The following CDH5 variants were observed in gnomAD, a reference collection of about 807,000 sequenced individuals.
CDH5 encodes cadherin 5, also known as cadherin-5.
CDH5 carries 28 observed loss-of-function variants against 62.0 expected under a neutral mutation model. That is an observed-to-expected ratio of 0.45 (90% CI 0.33 to 0.62). The LOEUF (loss-of-function observed/expected upper bound fraction) is 0.62, where lower values mean the gene tolerates loss of function less well. Ranked by LOEUF, CDH5 falls within the 20% of genes least tolerant of loss-of-function variation. CDH5 has a pLI of 0.02. For missense variants in CDH5, 940 were observed against 1,065.1 expected (o/e 0.88, Z 1.63); for synonymous variants, 464 against 445.8 (o/e 1.04, Z -0.52).
rs1961111096 is a variant in CDH5, at chr16:66,392,735, CTG to C, written c.1217+354_1217+355del. ...CACACCAGAGGCCCCTTCACTAAAA[CTG>C]TATTCTTGAATCTATCTTCCCCAAA... On this transcript the variant is annotated intron_variant, in intron 7 of 11. Coordinates refer to ENST00000341529, the MANE Select transcript of CDH5 (RefSeq NM_001795.5). The C allele has an allele frequency of 1.2e-5, 3 of 244,512 alleles. No homozygotes were observed. In the South Asian group the frequency reaches 2.4e-4, roughly 20 times the overall value. 15.1% of individuals were successfully genotyped at this position (244,512 alleles called of 1,614,324 possible). A position where few individuals can be genotyped will look rare whatever the true frequency, so the allele number is the denominator to read the frequency against.
At position 66,388,421 on chromosome 16, in the gene CDH5, T is replaced by C. The variant is rs1230134059; in HGVS notation, c.597T>C (p.Tyr199=). Residue 199 remains tyrosine, a synonymous_variant, in exon 4 of 12, where the codon TAT becomes TAC. Coordinates refer to ENST00000341529, the MANE Select transcript of CDH5 (RefSeq NM_001795.5). ...ACCAAATCCTGAAGGGGAAAGAGTA[T>C]TTTGCCATCGATAATTCTGGTCTGT... The part of the protein sequence containing the change: ...VMYQILKGKE[Y]FAIDNSGRII... 1 of 1,610,904 alleles carries C rather than the reference T, an allele frequency of 6.2e-7. No homozygotes were observed. The highest frequency in any genetic ancestry group is 2.2e-5 in the East Asian group (1 of 44,848).
At chr16:66,379,247 T>C (rs2344564) in intron 1 of CDH5, 72 bp from the exon 2 acceptor site, 303,080 of 1,122,096 alleles carry the variant, frequency 0.27, 46,145 homozygotes, top group African/African-American at 0.63. Flanking sequence ...TGCTCTTATG[T>C]GAAATACCTG....
chr16:66,402,644 G>A lies in CDH5; in HGVS notation c.1838-8G>A. 4 of 1,572,476 alleles carry A rather than the reference G, an allele frequency of 2.5e-6. No homozygotes were observed. Among genetic ancestry groups the A allele is most frequent in the Non-Finnish European group, 3.4e-6 (4 of 1,161,386 alleles). On this transcript the variant is annotated splice_region_variant and splice_polypyrimidine_tract_variant and intron_variant, in intron 11 of 11. Transcript: ENST00000341529. ...GTCTGACTCTGCTGCTCGGCTCCCTGGCTGCAGTGATCACCCTGCTCATCT... is the reference window on the plus strand; with the variant it reads ...GTCTGACTCTGCTGCTCGGCTCCCTAGCTGCAGTGATCACCCTGCTCATCT...
chr16:66,397,505 GC>G (rs1961206885), intron 8 of CDH5, among the ~76,000 whole-genome samples: 1 of 152,112 alleles, frequency 6.6e-6, no homozygotes, highest in East Asian at 1.9e-4. Context: ...ACAGGGGTGA[GC>G]CACAGCACCT....
At chr16:66,379,698 T>A in intron 2 of CDH5, 151 bp downstream of exon 2, 1 of 674,982 alleles carries the variant, frequency 1.5e-6, no homozygotes, top group Non-Finnish European at 2.6e-6. Flanking sequence ...GTAGCAATAG[T>A]GGTAGAGGTC....
rs769449662 is a variant in CDH5 at position 66,379,532 on chromosome 16, C to G, written c.195C>G (p.Pro65=). The change falls in exon 2 of 12, where the codon CCC becomes CCG. Residue 65 remains proline (P), a synonymous_variant. Coordinates refer to ENST00000341529, the MANE Select transcript of CDH5 (RefSeq NM_001795.5). ...HIDEEKNTSL[P]HHVGKIKSSV... is the part of the protein sequence containing the mutation. ...ATGAAGAGAAAAACACCTCACTTCC[C>G]CATCATGTAGGCAAGGTAAGGCTCA... 2 of 1,614,122 alleles carry G rather than the reference C, an allele frequency of 1.2e-6. No homozygotes were observed. Among genetic ancestry groups the G allele is most frequent in the East Asian group, 4.5e-5 (2 of 44,888 alleles).
chr16:66,386,857 G>A lies in CDH5; in HGVS notation c.259G>A (p.Glu87Lys), dbSNP rs1007635454. 7.4e-6 allele frequency: 12 copies of A among 1,614,122 alleles called. No individual in the cohort carries two copies. Among genetic ancestry groups the A allele is most frequent in the Non-Finnish European group, 1.0e-5 (12 of 1,180,000 alleles). The change falls in exon 3 of 12, where the codon GAA (glutamate) becomes AAA (lysine). Residue 87 changes from glutamate (E) to lysine (K), a missense_variant. Physicochemically the swap from Glu to Lys is moderately conservative, Grantham distance 56. Transcript: ENST00000341529. ...RKNAKYLLKG[E>K]YVGKVFRVDA... is the part of the protein sequence containing the mutation. ...GAATGCCAAGTACCTGCTCAAAGGA[G>A]AATATGTGGGCAAGGTCTTCCGGGT...
In CDH5 at chr16:66,400,920, C is replaced by A. The variant is rs201080249; in HGVS notation, c.1741C>A (p.Gln581Lys). 5 of 1,614,196 alleles carry A rather than the reference C, an allele frequency of 3.1e-6. No individual in the cohort carries two copies. The East Asian group carries it at 8.9e-5, about 29-fold the overall frequency. The change falls in exon 11 of 12, where the codon CAG (glutamine) becomes AAG (lysine). Residue 581 changes from glutamine to lysine, a missense_variant. Gln to Lys is a moderately conservative substitution (Grantham distance 53, BLOSUM62 1). Coordinates refer to ENST00000341529, the MANE Select transcript of CDH5 (RefSeq NM_001795.5). Reference protein sequence around the residue: ...LTVAVCKCNEQGEFTFCEDMA... With the variant: ...LTVAVCKCNEKGEFTFCEDMA... Reference sequence around the variant, plus strand: ...CGTGGCCGTGTGCAAGTGCAACGAGCAGGGCGAGTTCACCTTCTGCGAGGA... The same window carrying A: ...CGTGGCCGTGTGCAAGTGCAACGAGAAGGGCGAGTTCACCTTCTGCGAGGA...
rs757664765 is a variant in CDH5 at position 66,387,072 on chromosome 16, G to A, written c.474G>A (p.Ala158=). The change falls in exon 3 of 12, where the codon GCG becomes GCA. Residue 158 remains alanine, a synonymous_variant. Coordinates refer to ENST00000341529, the MANE Select transcript of CDH5 (RefSeq NM_001795.5). ...TGTTCACGCATCGGTTGTTCAATGC[G>A]TCCGTGCCTGAGTCGTCGGCTGTGG... ...WPVFTHRLFN[A]SVPESSAVGT... 39 of 1,613,306 alleles carry A rather than the reference G, an allele frequency of 2.4e-5. No homozygotes were observed. The highest frequency in any genetic ancestry group is 1.1e-4 in the East Asian group (5 of 44,858).
chr16:66,402,954 G>C lies in CDH5; in HGVS notation c.2140G>C (p.Asp714His), dbSNP rs1961319805. 6.2e-7 allele frequency: 1 copy of C among 1,612,608 alleles called. No homozygotes were observed. Residue 714 changes from aspartate to histidine, a missense_variant, in exon 12 of 12, where the codon GAC becomes CAC. Transcript: ENST00000341529. Reference sequence around the variant, plus strand: ...GGCAGCCATGATCGAGGTGAAGAAGGACGAGGCGGACCACGACGGCGACGG... The same window carrying C: ...GGCAGCCATGATCGAGGTGAAGAAGCACGAGGCGGACCACGACGGCGACGG... ...EMAAMIEVKK[D>H]EADHDGDGPP...
At chr16:66,368,825 G>A (rs1487571691) in intron 1 of CDH5, among the ~76,000 whole-genome samples, 7 of 152,320 alleles carry the variant, frequency 4.6e-5, no homozygotes, top group Admixed American at 4.6e-4. Context: ...GGAAAGCAGA[G>A]CAGTCCAGGC....
intron 2 of CDH5, among the ~76,000 whole-genome samples, chr16:66,384,495 G>A (rs1464789895): frequency 1.3e-5 from 2 of 151,862 alleles, no homozygotes; most frequent in Non-Finnish European, 2.9e-5. Flanking sequence ...GCTCATGCCT[G>A]TAATCCCAGC....
intron 1 of CDH5, among the ~76,000 whole-genome samples, chr16:66,378,215 G>T (rs1960819707): frequency 1.3e-5 from 2 of 152,170 alleles, no homozygotes; most frequent in African/African-American, 4.8e-5. Context: ...GGGCTTTCAG[G>T]CAGGAAGATG....
chr16:66,371,282 G>A lies in CDH5; in HGVS notation c.-20+4524G>A, dbSNP rs537039050. On this transcript the variant is annotated intron_variant, in intron 1 of 11. Transcript: ENST00000341529. ...GATTTGAGCTGTGGAATGGGAAAGC[G>A]GTGGGGAGAGCTGCCCAGGGCCACA... Among the ~76,000 whole-genome samples the A allele has an allele frequency of 1.8e-3, 278 of 152,226 alleles. 2 individuals are homozygous for A. The highest frequency in any genetic ancestry group is 6.4e-3 in the African/African-American group (266 of 41,546).
At chr16:66,390,231 C>T (rs1454610783) in intron 5 of CDH5, among the ~76,000 whole-genome samples, 172 bp from the exon 6 acceptor site, 2 of 152,202 alleles carry the variant, frequency 1.3e-5, no homozygotes, top group Admixed American at 1.3e-4. Flanking sequence ...GATGGATGGA[C>T]ATACAGATAG....
intron 6 of CDH5, among the ~76,000 whole-genome samples, chr16:66,391,759 G>A (rs1172883628): frequency 3.3e-5 from 5 of 152,226 alleles, no homozygotes; most frequent in Non-Finnish European, 5.9e-5. Flanking sequence ...GGTACCAAGA[G>A]CAATATTCTG....
chr16:66,380,865 T>C (rs77929823), intron 2 of CDH5, among the ~76,000 whole-genome samples: 17,512 of 151,436 alleles, frequency 0.12, 1,146 homozygotes, highest in Middle Eastern at 0.22. Context: ...AAGATAAGTG[T>C]TGATAGTGGT....
chr16:66,390,294 T>A (rs1961059331), intron 5 of CDH5, 109 bp from the exon 6 acceptor site: 1 of 813,144 alleles, frequency 1.2e-6, no homozygotes, highest in Non-Finnish European at 1.9e-6. Context: ...TTATGATTAT[T>A]TTATTATGCC....
intron 1 of CDH5, among the ~76,000 whole-genome samples, chr16:66,375,691 G>A (rs1465995771): frequency 6.6e-6 from 1 of 151,868 alleles, no homozygotes; most frequent in African/African-American, 2.4e-5. Context: ...TCCTACTGTA[G>A]ACTTAATAAA....
Sources: gnomAD v4.1 joint callset for allele counts (sites outside exome capture counted in the v4.1 genomes callset) on GRCh38, gnomAD v4.1.1 for gene constraint, MANE v1.5 for transcripts, NCBI Gene and HGNC (gene_info 2026-07-23, HGNC 2026-07-21) for gene names.